The following C2CD5 variants were observed in gnomAD, a reference collection of about 807,000 sequenced individuals.
The protein encoded by C2CD5 is C2 calcium dependent domain containing 5.
In C2CD5, 109 loss-of-function variants were observed where a neutral mutation model predicts 130.3. The ratio of observed to expected loss-of-function variants is 0.84; its 90% CI spans 0.72 to 0.98. The LOEUF (loss-of-function observed/expected upper bound fraction) is 0.98, where lower values mean the gene tolerates loss of function less well. Ranked by LOEUF, C2CD5 falls within the 50% of genes least tolerant of loss-of-function variation. The pLI is 0.00. For missense variants in C2CD5, 996 were observed against 1,261.8 expected (o/e 0.79, Z 3.19); for synonymous variants, 454 against 429.2 (o/e 1.06, Z -0.71).
At chr12:22,518,263 G>C (rs1949953464) in intron 7 of C2CD5, 126 bp from the exon 8 acceptor site, 3 of 848,512 alleles carry the variant, frequency 3.5e-6, no homozygotes, top group Middle Eastern at 2.2e-4. Flanking sequence ...GTGTGGAGCT[G>C]GGAATGAGGC....
At chr12:22,471,259 T>C (rs1942981383) in intron 20 of C2CD5, 140 bp downstream of exon 20, 2 of 608,764 alleles carry the variant, frequency 3.3e-6, no homozygotes, top group Admixed American at 3.0e-5. Context: ...CATGGCCTAA[T>C]GCATACTAAC....
chr12:22,457,875 T>G (rs1466851278), intron 24 of C2CD5, among the ~76,000 whole-genome samples: 6 of 152,112 alleles, frequency 3.9e-5, no homozygotes, highest in Non-Finnish European at 1.5e-5. Context: ...TCATAGCTAT[T>G]AAAATGGCAC....
chr12:22,462,062 T>C (rs947982326), intron 22 of C2CD5, among the ~76,000 whole-genome samples: 1 of 152,194 alleles, frequency 6.6e-6, no homozygotes, highest in Non-Finnish European at 1.5e-5. Context: ...GATAAGCTTT[T>C]CAAAAGAGAA....
At chr12:22,533,935 T>C (rs569688453) in intron 3 of C2CD5, among the ~76,000 whole-genome samples, 1 of 152,284 alleles carries the variant, frequency 6.6e-6, no homozygotes, top group South Asian at 2.1e-4. Context: ...CCTGTAATCC[T>C]AGCACTTTGG....
intron 15 of C2CD5, chr12:22,478,009 A>T: frequency 6.8e-6 from 2 of 293,390 alleles, no homozygotes; most frequent in South Asian, 3.8e-5. Flanking sequence ...AAACACACAC[A>T]CTCACACACA....
chr12:22,473,059 AAT>A (rs370056492), intron 16 of C2CD5, among the ~76,000 whole-genome samples: 355 of 152,264 alleles, frequency 2.3e-3, no homozygotes, highest in Non-Finnish European at 4.1e-3. Flanking sequence ...CCTTTATGAG[AAT>A]ATGTTTCTAA....
intron 21 of C2CD5, among the ~76,000 whole-genome samples, chr12:22,470,295 C>G (rs1410880430): frequency 6.6e-6 from 1 of 152,102 alleles, no homozygotes. Context: ...ATCATTCAAA[C>G]TATACAAGAA....
At chr12:22,509,410 A>G (rs534269240) in intron 9 of C2CD5, among the ~76,000 whole-genome samples, 1 of 152,302 alleles carries the variant, frequency 6.6e-6, no homozygotes, top group East Asian at 1.9e-4. Flanking sequence ...AACGAGGGCA[A>G]GCATTGTACT....
rs1237324407 is a variant in C2CD5, at chr12:22,478,395, T to C, written c.1820A>G (p.Tyr607Cys). The C allele has an allele frequency of 9.9e-6, 16 of 1,613,120 alleles. No homozygotes were observed. Among genetic ancestry groups the C allele is most frequent in the Non-Finnish European group, 1.3e-5 (15 of 1,179,226 alleles). Residue 607 changes from tyrosine (Y) to cysteine (C), a missense_variant, in exon 15 of 27, where the codon TAT becomes TGT. Tyr to Cys is a radical substitution (Grantham distance 194). Transcript: ENST00000446597. Reference protein sequence around the residue: ...IAGKTPNDGSYEQHISHMQKK... With the variant: ...IAGKTPNDGSCEQHISHMQKK... ...CTGCATATGAGAGATGTGTTGTTCA[T>C]ATGAGCCATCATTAGGAGTCTTCCC...
chr12:22,512,527 T>C, intron 9 of C2CD5: 2 of 698,888 alleles, frequency 2.9e-6, no homozygotes, highest in East Asian at 3.0e-5. Context: ...AACTTTGCAT[T>C]ACGAAAAGAA....
At chr12:22,512,529 CGAAAA>C (rs1198535542) in intron 9 of C2CD5, 2 of 715,590 alleles carry the variant, frequency 2.8e-6, no homozygotes, top group African/African-American at 3.7e-5. Context: ...CTTTGCATTA[CGAAAA>C]GAAAAACGCT....
chr12:22,485,519 G>A (rs930382355), intron 12 of C2CD5, among the ~76,000 whole-genome samples: 5 of 151,730 alleles, frequency 3.3e-5, no homozygotes, highest in African/African-American at 1.2e-4. Flanking sequence ...TTAATTTAAT[G>A]TAAAAAAGTA....
At chr12:22,534,190 A>G (rs930796129) in intron 3 of C2CD5, among the ~76,000 whole-genome samples, 9 of 152,192 alleles carry the variant, frequency 5.9e-5, no homozygotes, top group African/African-American at 2.2e-4. Context: ...TCTGTCTATT[A>G]AAAGAAAGGA....
chr12:22,475,621 G>A (rs900975203), intron 15 of C2CD5, among the ~76,000 whole-genome samples: 3 of 152,072 alleles, frequency 2.0e-5, no homozygotes, highest in African/African-American at 7.2e-5. Context: ...CAACAGAATT[G>A]TCTTTTTAAT....
intron 8 of C2CD5, among the ~76,000 whole-genome samples, chr12:22,516,683 G>A (rs931084815): frequency 4.0e-5 from 6 of 151,076 alleles, no homozygotes; most frequent in East Asian, 1.9e-4. Context: ...ATAAAGGCCT[G>A]GAATATGCAG....
Position 22,453,877 on chromosome 12 carries a change from ATTT to A in C2CD5, c.3024+16_3024+18del. 2 of 1,607,498 alleles carry A rather than the reference ATTT, an allele frequency of 1.2e-6. No individual in the cohort carries two copies. Among genetic ancestry groups the A allele is most frequent in the Non-Finnish European group, 1.7e-6 (2 of 1,175,808 alleles). ...ATTCTCAGGTTCCCGCCAATCAGGAATTTTTAACTGCATCTTACCTGGTTTTTA... is the reference window on the plus strand; with the variant it reads ...ATTCTCAGGTTCCCGCCAATCAGGAATTAACTGCATCTTACCTGGTTTTTA... On this transcript the variant is annotated intron_variant, in intron 26 of 26. Coordinates refer to ENST00000446597, the MANE Select transcript of C2CD5 (RefSeq NM_001286176.2).
At chr12:22,457,780 C>A (rs187931573) in intron 24 of C2CD5, among the ~76,000 whole-genome samples, 1 of 151,978 alleles carries the variant, frequency 6.6e-6, no homozygotes, top group Admixed American at 6.6e-5. Context: ...TTACAACCAC[C>A]CAAAAACACA....
intron 9 of C2CD5, among the ~76,000 whole-genome samples, chr12:22,511,228 A>AT (rs1949158861): frequency 6.6e-6 from 1 of 152,034 alleles, no homozygotes; most frequent in Non-Finnish European, 1.5e-5. Context: ...CCAAAGGGAT[A>AT]GAAACGAATA....
chr12:22,493,234 T>G lies in C2CD5; in HGVS notation c.1251A>C (p.Ser417=). The G allele has an allele frequency of 6.3e-7, 1 of 1,576,924 alleles. No homozygotes were observed. The highest frequency in any genetic ancestry group is 8.7e-7 in the Non-Finnish European group (1 of 1,151,478). The change falls in exon 11 of 27, where the codon TCA becomes TCC. Residue 417 remains serine, a synonymous_variant. Transcript: ENST00000446597. ...GCHAVVGYSE[S]TSICEEVCIL... Reference sequence around the variant, plus strand: ...TTATTATCATTTACCAGATGCTAGTTGATTCACTGTAGCCCACTACAGCAT... The same window carrying G: ...TTATTATCATTTACCAGATGCTAGTGGATTCACTGTAGCCCACTACAGCAT...
Sources: allele counts gnomAD v4.1 joint callset (sites outside exome capture counted in the v4.1 genomes callset), GRCh38; gene constraint gnomAD v4.1.1; transcripts MANE v1.5; gene names NCBI Gene and HGNC (gene_info 2026-07-23, HGNC 2026-07-21).